PLCB1: variants seen among roughly 807,000 people sequenced by gnomAD.
The protein encoded by PLCB1 is phospholipase C beta 1, also known as 1-phosphatidylinositol 4,5-bisphosphate phosphodiesterase beta-1.
Under a neutral mutation model 161.8 loss-of-function variants are expected in PLCB1, and 46 were observed. The observed-to-expected ratio is 0.28, with a 90% CI of 0.22 to 0.36. The LOEUF (loss-of-function observed/expected upper bound fraction) is 0.36. PLCB1 is among the 10% of genes least tolerant of loss of function. PLCB1 has a pLI of 1.00. For synonymous variants in PLCB1, 517 were observed against 503.7 expected (o/e 1.03, Z -0.35); for missense variants, 1,016 against 1,472.5 (o/e 0.69, Z 5.07).
At chr20:8,638,056 C>A (rs971173258) in intron 4 of PLCB1, among the ~76,000 whole-genome samples, 1 of 152,110 alleles carries the variant, frequency 6.6e-6, no homozygotes, top group South Asian at 2.1e-4. Context: ...CCACCATGCC[C>A]GGCTAATTTT....
chr20:8,678,096 C>T (rs1489744074), intron 9 of PLCB1, among the ~76,000 whole-genome samples: 1 of 152,068 alleles, frequency 6.6e-6, no homozygotes, highest in Non-Finnish European at 1.5e-5. Context: ...CCGGGGGATA[C>T]TTTGGAGTTG....
intron 3 of PLCB1, among the ~76,000 whole-genome samples, chr20:8,595,722 G>A (rs1360504873): frequency 1.3e-5 from 2 of 149,970 alleles, no homozygotes; most frequent in African/African-American, 2.4e-5. Context: ...CACCAACAGT[G>A]TAAAAGTGTT....
chr20:8,291,041 G>GA (rs201744273), intron 2 of PLCB1, among the ~76,000 whole-genome samples: 10,797 of 120,540 alleles, frequency 0.09, 472 homozygotes, highest in East Asian at 0.21. Context: ...ATCTTTTTGT[G>GA]AAAAAAAAAA....
At chr20:8,179,333 C>T (rs997705718) in intron 2 of PLCB1, among the ~76,000 whole-genome samples, 4 of 152,018 alleles carry the variant, frequency 2.6e-5, no homozygotes, top group African/African-American at 7.2e-5. Context: ...TAATTCTCAC[C>T]ATAGAGATCT....
Position 8,654,308 on chromosome 20 carries a change from T to A in PLCB1, c.595-2876T>A, listed in dbSNP as rs1989394485. On this transcript the variant is annotated intron_variant, in intron 7 of 31. Transcript: ENST00000338037. ...AGATTATACTAGCCTTCTTAAGTCA[T>A]CCTTCAAAAAGGCCAAACAACAACA... 1.3e-5 allele frequency among the ~76,000 whole-genome samples: 2 copies of A among 152,092 alleles called. 1 individual carries two copies. The highest frequency in any genetic ancestry group is 4.1e-4 in the South Asian group (2 of 4,834).
intron 14 of PLCB1, among the ~76,000 whole-genome samples, chr20:8,720,258 T>A (rs1358717870): frequency 1.3e-5 from 2 of 152,220 alleles, no homozygotes; most frequent in African/African-American, 4.8e-5. Context: ...ACAGGATGCA[T>A]AACACAAATG....
rs146960794 is a variant in PLCB1 at position 8,817,481 on chromosome 20, A to G, written c.3423+27220A>G. ...ACCTGACAAACTCAGGGCCAGACTG[A>G]AGGGCCAAACTGAGTGCTCAGCAAC... On this transcript the variant is annotated intron_variant, in intron 31 of 31. Coordinates refer to ENST00000338037, the MANE Select transcript of PLCB1 (RefSeq NM_015192.4). Among the ~76,000 whole-genome samples, 289 of 152,324 alleles carry G rather than the reference A, an allele frequency of 1.9e-3. 2 individuals carry two copies. Among genetic ancestry groups the G allele is most frequent in the African/African-American group, 6.8e-3 (282 of 41,572 alleles).
At chr20:8,676,422 GAA>G (rs1416369224) in intron 9 of PLCB1, among the ~76,000 whole-genome samples, 1 of 151,408 alleles carries the variant, frequency 6.6e-6, no homozygotes, top group Non-Finnish European at 1.5e-5. Flanking sequence ...AGAGAAGAAA[GAA>G]AGAAAGAAAG....
chr20:8,292,728 C>G (rs59511677), intron 2 of PLCB1, among the ~76,000 whole-genome samples: 19,233 of 152,148 alleles, frequency 0.13, 1,476 homozygotes, highest in African/African-American at 0.2. Context: ...GGGCCTGGTT[C>G]CATTACTTAC....
chr20:8,551,480 C>G (rs781764062), intron 3 of PLCB1, among the ~76,000 whole-genome samples: 1 of 152,174 alleles, frequency 6.6e-6, no homozygotes, highest in Non-Finnish European at 1.5e-5. Flanking sequence ...ATATGTTCTT[C>G]GAAGGGTGTG....
chr20:8,490,151 CCTT>C (rs1225123909), intron 3 of PLCB1, among the ~76,000 whole-genome samples: 1 of 152,150 alleles, frequency 6.6e-6, no homozygotes, highest in African/African-American at 2.4e-5. Context: ...AAAAGATTAT[CCTT>C]CATATCCCAA....
At chr20:8,845,088 T>A (rs1986643536) in intron 31 of PLCB1, among the ~76,000 whole-genome samples, 1 of 152,028 alleles carries the variant, frequency 6.6e-6, no homozygotes, top group East Asian at 1.9e-4. Flanking sequence ...CACTCCAACC[T>A]GGGCAATAGA....
At chr20:8,689,795 C>A (rs1454062743) in intron 10 of PLCB1, among the ~76,000 whole-genome samples, 2 of 150,620 alleles carry the variant, frequency 1.3e-5, no homozygotes, top group African/African-American at 4.9e-5. Context: ...ACTTGTTAAA[C>A]ACAGATGTGG....
rs559604805 is a variant in PLCB1 at position 8,672,363 on chromosome 20, A to G, written c.863-12569A>G. Among the ~76,000 whole-genome samples the G allele has an allele frequency of 2.0e-5, 3 of 151,696 alleles. No individual in the cohort carries two copies. In the South Asian group the frequency reaches 6.3e-4, roughly 32 times the overall value. On this transcript the variant is annotated intron_variant, in intron 9 of 31. Coordinates refer to ENST00000338037, the MANE Select transcript of PLCB1 (RefSeq NM_015192.4). ...ATATTTTAAATCATGAAACTCTTCT[A>G]AGGCTCTCTTCTTCCTTGCACTTTC...
At chr20:8,149,208 C>T (rs1044657548) in intron 1 of PLCB1, among the ~76,000 whole-genome samples, 3 of 151,868 alleles carry the variant, frequency 2.0e-5, no homozygotes, top group Non-Finnish European at 4.4e-5. Context: ...GATGCTTTAC[C>T]CCAAATTATC....
chr20:8,757,632 G>C (rs1195597283), intron 24 of PLCB1, among the ~76,000 whole-genome samples: 3 of 151,988 alleles, frequency 2.0e-5, no homozygotes, highest in Non-Finnish European at 4.4e-5. Context: ...TTTTCATATG[G>C]ATCATTTCAA....
chr20:8,793,757 T>C (rs1440143716), intron 31 of PLCB1, among the ~76,000 whole-genome samples: 1 of 152,182 alleles, frequency 6.6e-6, no homozygotes, highest in Non-Finnish European at 1.5e-5. Flanking sequence ...TTGTCATTGA[T>C]AACATCTTAT....
intron 3 of PLCB1, among the ~76,000 whole-genome samples, chr20:8,427,266 A>G (rs976388583): frequency 1.3e-5 from 2 of 152,192 alleles, no homozygotes; most frequent in Admixed American, 6.5e-5. Context: ...AGAAATCTGG[A>G]CATACTCAGA....
At chr20:8,311,820 A>C (rs1381023464) in intron 2 of PLCB1, among the ~76,000 whole-genome samples, 1 of 152,100 alleles carries the variant, frequency 6.6e-6, no homozygotes, top group African/African-American at 2.4e-5. Flanking sequence ...TGATGCCCTA[A>C]AGTTAAGGTT....
Sources: gnomAD v4.1 joint callset for allele counts (sites outside exome capture counted in the v4.1 genomes callset) on GRCh38, gnomAD v4.1.1 for gene constraint, MANE v1.5 for transcripts, NCBI Gene and HGNC (gene_info 2026-07-23, HGNC 2026-07-21) for gene names.